The following SDK1 variants were observed in gnomAD, a reference collection of about 807,000 sequenced individuals.
SDK1 encodes the protein sidekick cell adhesion molecule 1.
Under a neutral mutation model 245.5 loss-of-function variants are expected in SDK1, and 157 were observed. The ratio of observed to expected loss-of-function variants is 0.64; its 90% CI spans 0.56 to 0.73. SDK1 has a LOEUF of 0.73. Ranked by LOEUF, SDK1 falls within the 30% of genes least tolerant of loss-of-function variation. The probability of loss-of-function intolerance (pLI) is 0.00; values close to 1 mark genes in which losing one functional copy is unlikely to be tolerated. For synonymous variants in SDK1, 1,647 were observed against 1,278.5 expected (o/e 1.29, Z -6.15); for missense variants, 3,583 against 3,002.3 (o/e 1.19, Z -4.52).
intron 4 of SDK1, among the ~76,000 whole-genome samples, chr7:3,702,319 C>T (rs1013296209): frequency 1.3e-5 from 2 of 152,124 alleles, no homozygotes; most frequent in African/African-American, 4.8e-5. Flanking sequence ...AAAGACGAGA[C>T]ATTTTACTAT....
At chr7:3,602,819 T>A (rs552739904) in intron 1 of SDK1, among the ~76,000 whole-genome samples, 1 of 152,230 alleles carries the variant, frequency 6.6e-6, no homozygotes, top group Non-Finnish European at 1.5e-5. Context: ...GGTCTAACAT[T>A]TAAGTCTTTA....
intron 1 of SDK1, among the ~76,000 whole-genome samples, chr7:3,569,463 G>T (rs1411435218): frequency 6.6e-6 from 1 of 152,224 alleles, no homozygotes; most frequent in East Asian, 1.9e-4. Context: ...TGAGAAGTCT[G>T]GAGGAGAGCA....
At chr7:3,908,574 C>T (rs1253063762) in intron 5 of SDK1, among the ~76,000 whole-genome samples, 1 of 152,068 alleles carries the variant, frequency 6.6e-6, no homozygotes, top group East Asian at 1.9e-4. Context: ...TCTGGTACAG[C>T]CACCATTCAT....
At chr7:3,745,569 C>G (rs904288004) in intron 4 of SDK1, among the ~76,000 whole-genome samples, 1 of 151,978 alleles carries the variant, frequency 6.6e-6, no homozygotes, top group Non-Finnish European at 1.5e-5. Context: ...ATTCTAAATT[C>G]TATACAATTT....
At chr7:4,176,600 T>C (rs1057199571) in intron 34 of SDK1, among the ~76,000 whole-genome samples, 2 of 152,208 alleles carry the variant, frequency 1.3e-5, no homozygotes, top group Non-Finnish European at 2.9e-5. Context: ...TCCAGAACTT[T>C]CTCATCTTCC....
At chr7:4,056,223 T>A (rs961613847) in intron 19 of SDK1, among the ~76,000 whole-genome samples, 1 of 152,042 alleles carries the variant, frequency 6.6e-6, no homozygotes, top group Non-Finnish European at 1.5e-5. Context: ...TTTATCCTAT[T>A]TAGGATAATA....
intron 32 of SDK1, among the ~76,000 whole-genome samples, chr7:4,170,218 T>C (rs1781752082): frequency 6.6e-6 from 1 of 152,170 alleles, no homozygotes; most frequent in South Asian, 2.1e-4. Flanking sequence ...AAGAGCAGAC[T>C]GCAGGATCAC....
In SDK1 at chr7:3,719,969, C is replaced by A. The variant is rs139924700; in HGVS notation, c.713+77864C>A. Among the ~76,000 whole-genome samples the A allele has an allele frequency of 2.7e-4, 40 of 149,850 alleles. No individual in the cohort carries two copies. The East Asian group carries it at 7.8e-3, about 29-fold the overall frequency. ...CCCAGTCTGGTGACAGAACAAGACT[C>A]CATCTCTTAAAAAAAAAAAAAGAAA... On this transcript the variant is annotated intron_variant, in intron 4 of 44. Coordinates refer to ENST00000404826, the MANE Select transcript of SDK1 (RefSeq NM_152744.4).
In SDK1 at chr7:4,265,329, C is replaced by A. The variant is rs976808138; in HGVS notation, c.6587C>A (p.Thr2196Asn). The A allele has an allele frequency of 9.4e-6, 14 of 1,481,496 alleles. No homozygotes were observed. Among genetic ancestry groups the A allele is most frequent in the Admixed American group, 2.5e-5 (1 of 39,626 alleles). 91.8% of individuals were successfully genotyped at this position (1,481,496 alleles called of 1,614,324 possible). A position where few individuals can be genotyped will look rare whatever the true frequency, so the allele number is the denominator to read the frequency against. ...ACGCAGAGCGCGGGCGGCGTCTACA[C>A]CCCCGCTGGCCCCGGCGCGCGAACT... ...ITTQSAGGVY[T>N]PAGPGARTPL... is the part of the protein sequence containing the mutation. Residue 2196 changes from threonine (T) to asparagine (N), a missense_variant, in exon 45 of 45, where the codon ACC becomes AAC. Physicochemically the swap from Thr to Asn is moderately conservative, Grantham distance 65 (BLOSUM62 0). Coordinates refer to ENST00000404826, the MANE Select transcript of SDK1 (RefSeq NM_152744.4).
chr7:3,328,888 A>G (rs1779999479), intron 1 of SDK1, among the ~76,000 whole-genome samples: 1 of 152,136 alleles, frequency 6.6e-6, no homozygotes, highest in African/African-American at 2.4e-5. Context: ...TCATGCAGTG[A>G]ACAACTTTGT....
intron 4 of SDK1, among the ~76,000 whole-genome samples, chr7:3,741,131 G>C (rs149991482): frequency 6.6e-6 from 1 of 152,308 alleles, no homozygotes; most frequent in East Asian, 1.9e-4. Flanking sequence ...GCCACCTCCT[G>C]TATACCAAGT....
chr7:3,755,832 T>A (rs1279129778), intron 4 of SDK1, among the ~76,000 whole-genome samples: 1 of 152,166 alleles, frequency 6.6e-6, no homozygotes, highest in Admixed American at 6.5e-5. Context: ...TGTTGTTGCA[T>A]GTTTTGAATC....
intron 5 of SDK1, among the ~76,000 whole-genome samples, chr7:3,927,009 C>G (rs1198794316): frequency 6.6e-6 from 1 of 152,164 alleles, no homozygotes; most frequent in Non-Finnish European, 1.5e-5. Flanking sequence ...GTCAATGCCT[C>G]CACCGCGCTC....
intron 20 of SDK1, among the ~76,000 whole-genome samples, chr7:4,069,213 G>A (rs1780088099): frequency 6.6e-6 from 1 of 152,228 alleles, no homozygotes; most frequent in African/African-American, 2.4e-5. Flanking sequence ...AGTTACAACT[G>A]AGGGGCTGTC....
At chr7:3,879,026 A>C (rs1345093823) in intron 5 of SDK1, among the ~76,000 whole-genome samples, 1 of 152,214 alleles carries the variant, frequency 6.6e-6, no homozygotes, top group East Asian at 1.9e-4. Flanking sequence ...CTTGGACTAC[A>C]ACTTCTATAT....
At chr7:3,958,830 C>T (rs1208130302) in intron 7 of SDK1, 101 bp from the exon 8 acceptor site, 1 of 932,780 alleles carries the variant, frequency 1.1e-6, no homozygotes, top group Non-Finnish European at 1.7e-6. Flanking sequence ...ATGAAATTTT[C>T]AAGAATGGTT....
intron 1 of SDK1, among the ~76,000 whole-genome samples, chr7:3,527,879 A>G (rs1583126322): frequency 1.4e-5 from 2 of 147,210 alleles, no homozygotes; most frequent in Middle Eastern, 3.9e-3. Flanking sequence ...ATAGTCAGCT[A>G]GAGAGTGAAT....
chr7:3,672,762 TATA>T (rs1783749412), intron 4 of SDK1, among the ~76,000 whole-genome samples: 1 of 57,644 alleles, frequency 1.7e-5, no homozygotes, highest in Non-Finnish European at 3.3e-5. Context: ...TATAATTTTA[TATA>T]TATATATATA....
At chr7:3,709,105 C>T (rs1275439503) in intron 4 of SDK1, among the ~76,000 whole-genome samples, 2 of 152,166 alleles carry the variant, frequency 1.3e-5, no homozygotes, top group African/African-American at 4.8e-5. Flanking sequence ...TTCAGAACTC[C>T]TTTTAGCATT....
Sources: allele counts gnomAD v4.1 joint callset (sites outside exome capture counted in the v4.1 genomes callset), GRCh38; gene constraint gnomAD v4.1.1; transcripts MANE v1.5; gene names NCBI Gene and HGNC (gene_info 2026-07-23, HGNC 2026-07-21).